ZNF578: variants seen among roughly 807,000 people sequenced by gnomAD.
The protein encoded by ZNF578 is Putative chemokine-related protein B42.
ZNF578 carries 8 observed loss-of-function variants against 8.3 expected under a neutral mutation model. The ratio of observed to expected loss-of-function variants is 0.96; its 90% CI spans 0.56 to 1.74. The LOEUF (loss-of-function observed/expected upper bound fraction) is 1.74. ZNF578 is among the 40% of genes most tolerant of loss of function. The pLI, the probability that ZNF578 is intolerant of heterozygous loss-of-function variation, is 0.00. For missense variants in ZNF578, 726 were observed against 707.5 expected (o/e 1.03, Z -0.30); for synonymous variants, 206 against 232.2 (o/e 0.89, Z 1.03).
At chr19:52,480,758 A>G (rs2059323323) in intron 2 of ZNF578, among the ~76,000 whole-genome samples, 1 of 151,856 alleles carries the variant, frequency 6.6e-6, no homozygotes, top group Non-Finnish European at 1.5e-5. Context: ...TTAGCCGGGC[A>G]TGGTGGCACT....
chr19:52,496,324 T>TATTTATTTA (rs1301134040), intron 3 of ZNF578, among the ~76,000 whole-genome samples: 5 of 123,442 alleles, frequency 4.1e-5, no homozygotes, highest in Middle Eastern at 4.1e-3. Flanking sequence ...CCTCATTTGT[T>TATTTATTTA]GTTATTTATT....
chr19:52,472,501 A>G (rs137943315), intron 2 of ZNF578, among the ~76,000 whole-genome samples: 44 of 152,276 alleles, frequency 2.9e-4, no homozygotes, highest in African/African-American at 1.1e-3. Flanking sequence ...TAGTTCATCA[A>G]TTTTTGCTAA....
intron 3 of ZNF578, among the ~76,000 whole-genome samples, chr19:52,498,684 C>CATTTTTTTTTT (rs2059395891): frequency 9.4e-6 from 1 of 106,852 alleles, no homozygotes; most frequent in Non-Finnish European, 1.8e-5. Context: ...CGCCTGGCCG[C>CATTTTTTTTTT]TTTTTTTTTT....
intron 2 of ZNF578, among the ~76,000 whole-genome samples, chr19:52,465,027 C>T (rs185133601): frequency 2.0e-5 from 3 of 152,154 alleles, no homozygotes; most frequent in East Asian, 1.9e-4. Context: ...CGCCATCTGC[C>T]GGACTTTGTC....
chr19:52,503,623 A>G (rs919569860), intron 4 of ZNF578, among the ~76,000 whole-genome samples: 1 of 152,144 alleles, frequency 6.6e-6, no homozygotes, highest in African/African-American at 2.4e-5. Flanking sequence ...GATTACAGGC[A>G]TGAGCCACTG....
At chr19:52,456,147 A>T (rs187689341) in intron 1 of ZNF578, 416 of 152,322 alleles carry the variant, frequency 2.7e-3, no homozygotes, top group African/African-American at 9.2e-3. Context: ...GTGAAGGTTT[A>T]TGTGACCCTT....
At chr19:52,506,282 A>G (rs1384126885) in intron 5 of ZNF578, among the ~76,000 whole-genome samples, 1 of 151,672 alleles carries the variant, frequency 6.6e-6, no homozygotes, top group African/African-American at 2.4e-5. Flanking sequence ...CTGTCGATGG[A>G]TATCTGGGTT....
At chr19:52,465,380 G>T (rs2059271517) in intron 2 of ZNF578, among the ~76,000 whole-genome samples, 1 of 152,146 alleles carries the variant, frequency 6.6e-6, no homozygotes, top group South Asian at 2.1e-4. Context: ...GAAACTGGAG[G>T]GGATTGGCAT....
intron 3 of ZNF578, among the ~76,000 whole-genome samples, chr19:52,491,931 A>T (rs2059366315): frequency 6.6e-6 from 1 of 151,766 alleles, no homozygotes; most frequent in Non-Finnish European, 1.5e-5. Context: ...GAGGCTGAGG[A>T]GGGCGGATCA....
intron 2 of ZNF578, among the ~76,000 whole-genome samples, chr19:52,478,449 C>T (rs10403498): frequency 0.019 from 2,858 of 152,180 alleles, 83 homozygotes; most frequent in African/African-American, 0.066. Context: ...TTTCTGCTAC[C>T]GAAGGAGGCG....
At chr19:52,487,705 C>A (rs1205512457) in intron 2 of ZNF578, among the ~76,000 whole-genome samples, 1 of 150,894 alleles carries the variant, frequency 6.6e-6, no homozygotes, top group Non-Finnish European at 1.5e-5. Flanking sequence ...TCTCCTCTAA[C>A]TGCAGCCTTG....
At chr19:52,472,588 A>G (rs910463083) in intron 2 of ZNF578, among the ~76,000 whole-genome samples, 2 of 152,204 alleles carry the variant, frequency 1.3e-5, no homozygotes, top group Non-Finnish European at 2.9e-5. Flanking sequence ...ATCAGTCCCT[A>G]AGAACCCATT....
intron 2 of ZNF578, among the ~76,000 whole-genome samples, chr19:52,481,207 T>G (rs369380547): frequency 3.0e-4 from 45 of 152,254 alleles, no homozygotes; most frequent in African/African-American, 1.0e-3. Flanking sequence ...TGCGGCAGAC[T>G]CCTCCTGGTG....
chr19:52,489,914 C>A (rs1409498668), intron 2 of ZNF578, among the ~76,000 whole-genome samples: 3 of 152,116 alleles, frequency 2.0e-5, no homozygotes, highest in African/African-American at 7.2e-5. Flanking sequence ...CCTCGGCCTC[C>A]CAAAGTGCTG....
chr19:52,501,139 A>C (rs2059405649), intron 3 of ZNF578, among the ~76,000 whole-genome samples: 1 of 152,052 alleles, frequency 6.6e-6, no homozygotes, highest in African/African-American at 2.4e-5. Flanking sequence ...GGCCTCCCAA[A>C]GTGCTGGGAT....
chr19:52,458,849 G>T (rs1331336207), intron 2 of ZNF578: 1 of 152,024 alleles, frequency 6.6e-6, no homozygotes, highest in Non-Finnish European at 1.5e-5. Flanking sequence ...TTACATTTGT[G>T]TTTAATTTGA....
At position 52,512,677 on chromosome 19, in the gene ZNF578, T is replaced by C. The variant is rs1405328502; in HGVS notation, c.*523T>C. 6.6e-6 allele frequency among the ~76,000 whole-genome samples: 1 copy of C among 152,222 alleles called. No homozygotes were observed. The highest frequency in any genetic ancestry group is 1.5e-5 in the Non-Finnish European group (1 of 68,038). On this transcript the variant is annotated 3_prime_UTR_variant, in exon 6 of 6. Transcript: ENST00000421239. ...GAGAATCCCTACTGGAGAGAAATCT[T>C]ACAAATGTCATCAGTGTGGCAAGGT...
intron 2 of ZNF578, among the ~76,000 whole-genome samples, chr19:52,473,056 C>G (rs1246156026): frequency 6.6e-6 from 1 of 152,142 alleles, no homozygotes; most frequent in African/African-American, 2.4e-5. Flanking sequence ...GTTATAGCCT[C>G]AGCATACAAA....
At chr19:52,483,191 A>G (rs78598978) in intron 2 of ZNF578, among the ~76,000 whole-genome samples, 93,035 of 151,896 alleles carry the variant, frequency 0.61, 28,624 homozygotes, top group Admixed American at 0.64. Context: ...TGATGCAGGC[A>G]AATCACCTGA....
Sources: gnomAD v4.1 joint callset for allele counts (sites outside exome capture counted in the v4.1 genomes callset) on GRCh38, gnomAD v4.1.1 for gene constraint, MANE v1.5 for transcripts, NCBI Gene and HGNC (gene_info 2026-07-23, HGNC 2026-07-21) for gene names.